RPL9: variants seen among roughly 807,000 people sequenced by gnomAD.
RPL9 encodes large ribosomal subunit protein uL6.
For missense variants in RPL9, 149 were observed against 236.7 expected, an observed-to-expected ratio of 0.63 and a Z score of 2.43; for synonymous variants, 82 against 77.1, an observed-to-expected ratio of 1.06 and a Z score of -0.33.
rs886606252 is a variant in RPL9, at chr4:39,455,009, C to T, written c.392-65G>A. On this transcript the variant is annotated intron_variant, in intron 5 of 7. Coordinates refer to ENST00000295955, the MANE Select transcript of RPL9 (RefSeq NM_000661.5). ...GTAAAAAATATTTAAATTGCAGAGGCACTAATTTATTCCATGTAAAACTCC... is the reference window on the plus strand; with the variant it reads ...GTAAAAAATATTTAAATTGCAGAGGTACTAATTTATTCCATGTAAAACTCC... The T allele has an allele frequency of 1.3e-5, 19 of 1,475,998 alleles. No individual in the cohort carries two copies. In the Admixed American group the frequency reaches 3.7e-4, roughly 29 times the overall value. 91.4% of individuals were successfully genotyped at this position (1,475,998 alleles called of 1,614,324 possible).
At chr4:39,458,492 A>G (rs1278667621) in intron 1 of RPL9, 52 bp from the exon 2 acceptor site, 1 of 1,588,672 alleles carries the variant, frequency 6.3e-7, no homozygotes, top group African/African-American at 1.3e-5. Context: ...TTTTTCCACC[A>G]AACTACGCCG....
chr4:39,456,017 G>T, intron 5 of RPL9: 1 of 259,642 alleles, frequency 3.9e-6, no homozygotes, highest in Non-Finnish European at 7.6e-6. Flanking sequence ...ATGGAGTGAT[G>T]GATGTGTTAA....
At chr4:39,455,596 A>C (rs532831351) in intron 5 of RPL9, among the ~76,000 whole-genome samples, 2 of 152,208 alleles carry the variant, frequency 1.3e-5, no homozygotes, top group African/African-American at 4.8e-5. Context: ...CAACGTGGCG[A>C]AACAGTCTCT....
Position 39,457,676 on chromosome 4 carries a change from C to T in RPL9, c.168G>A (p.Arg56=), listed in dbSNP as rs552285619. 1 of 1,614,012 alleles carries T rather than the reference C, an allele frequency of 6.2e-7. No homozygotes were observed. The highest frequency in any genetic ancestry group is 1.3e-5 in the African/African-American group (1 of 75,036). The part of the protein sequence containing the change: ...SLLGKKKKRL[R]VDKWWGNRKE... ...TTCTGTTACCCCACCATTTGTCAAC[C>T]CGGAGCTGTAACAGAACAAAAAATG... Residue 56 remains arginine (R), a synonymous_variant, in exon 4 of 8, where the codon CGG becomes CGA. Transcript: ENST00000295955.
rs781517871 is a variant in RPL9 at position 39,454,821 on chromosome 4, A to G, written c.472+43T>C. 5.7e-6 allele frequency: 9 copies of G among 1,579,824 alleles called. No homozygotes were observed. In the East Asian group the frequency reaches 2.0e-4, roughly 35 times the overall value. On this transcript the variant is annotated intron_variant, in intron 6 of 7. Transcript: ENST00000295955. ...ATACTGTATTTTAAACAAGATTTAG[A>G]CAAAATCTTGTAGGCATAGTTAGAC...
At position 39,454,924 on chromosome 4, in the gene RPL9, G is replaced by C; in HGVS notation, c.412C>G (p.Gln138Glu). 6.2e-7 allele frequency: 1 copy of C among 1,613,928 alleles called. No homozygotes were observed. Among genetic ancestry groups the C allele is most frequent in the Non-Finnish European group, 8.5e-7 (1 of 1,179,914 alleles). ...AGGATTAATTCATCTTTCTGGGCTT[G>C]AGATACTGAACAAGCAACACCTAAA... ...MRPGVACSVS[Q>E]AQKDELILEG... The change falls in exon 6 of 8, where the codon CAA becomes GAA. Residue 138 changes from glutamine to glutamate, a missense_variant. Gln to Glu is a conservative substitution (Grantham distance 29). Coordinates refer to ENST00000295955, the MANE Select transcript of RPL9 (RefSeq NM_000661.5).
At chr4:39,457,498 T>C (rs781573908) in intron 4 of RPL9, 88 bp downstream of exon 4, 167 of 1,118,364 alleles carry the variant, frequency 1.5e-4, no homozygotes, top group Non-Finnish European at 2.1e-4. Context: ...ACATGACCCA[T>C]TCTCTGAAAG....
At chr4:39,457,717 T>C in intron 3 of RPL9, 36 bp from the exon 4 acceptor site, 3 of 1,533,460 alleles carry the variant, frequency 2.0e-6, no homozygotes, top group South Asian at 1.1e-5. Context: ...TTTCCAGAAA[T>C]ATGCAGGCTT....
intron 7 of RPL9, 104 bp downstream of exon 7, chr4:39,454,429 C>CT (rs1744007219): frequency 1.2e-6 from 1 of 856,952 alleles, no homozygotes; most frequent in Non-Finnish European, 1.8e-6. Flanking sequence ...GAATGCTTAA[C>CT]TCTCCATTTT....
intron 1 of RPL9, 147 bp from the exon 2 acceptor site, chr4:39,458,587 G>C: frequency 2.6e-6 from 2 of 769,432 alleles, no homozygotes; most frequent in Non-Finnish European, 4.2e-6. Context: ...GCGGGCCCCA[G>C]TGTGTCCCAG....
chr4:39,457,267 G>A (rs1406292380), intron 4 of RPL9: 3 of 215,940 alleles, frequency 1.4e-5, no homozygotes, highest in African/African-American at 7.0e-5. Context: ...GGTGGCTCAT[G>A]CCTGCAATCC....
chr4:39,454,506 A>T lies in RPL9; in HGVS notation c.*10+27T>A, dbSNP rs759277422. The T allele has an allele frequency of 2.0e-6, 3 of 1,521,148 alleles. No individual in the cohort carries two copies. The Admixed American group carries it at 5.8e-5, about 30-fold the overall frequency. 94.2% of individuals were successfully genotyped at this position (1,521,148 alleles called of 1,614,324 possible). The stretch of plus-strand genomic sequence containing the variant: ...AGCTTCATTCAACTAGAGCAGTAAT[A>T]AAACTTAAGACACTGTAAGAACTTA... On this transcript the variant is annotated intron_variant, in intron 7 of 7. Coordinates refer to ENST00000295955, the MANE Select transcript of RPL9 (RefSeq NM_000661.5).
Position 39,456,496 on chromosome 4 carries a change from T to C in RPL9, c.301A>G (p.Ile101Val), listed in dbSNP as rs369212592. The C allele has an allele frequency of 1.2e-6, 2 of 1,613,976 alleles. No individual in the cohort carries two copies. The highest frequency in any genetic ancestry group is 1.3e-5 in the African/African-American group (1 of 74,938). Reference sequence around the variant, plus strand: ...CCATTCTCCTGGATAACAACGTTGATGGGGAAGTGAGCATACACAGACCTC... The same window carrying C: ...CCATTCTCCTGGATAACAACGTTGACGGGGAAGTGAGCATACACAGACCTC... The part of the protein sequence containing the change: ...KMRSVYAHFP[I>V]NVVIQENGSL... The change falls in exon 5 of 8, where the codon ATC (isoleucine) becomes GTC (valine). Residue 101 changes from isoleucine to valine, a missense_variant. By Grantham distance (29) the Ile-to-Val change is conservative. Coordinates refer to ENST00000295955, the MANE Select transcript of RPL9 (RefSeq NM_000661.5).
chr4:39,458,529 T>C (rs1744227486), intron 1 of RPL9, 89 bp from the exon 2 acceptor site: 6 of 1,402,336 alleles, frequency 4.3e-6, no homozygotes, highest in Non-Finnish European at 5.0e-6. Context: ...TACTGGAGAC[T>C]GCCAGGCGGA....
chr4:39,457,393 G>T, intron 4 of RPL9, 193 bp downstream of exon 4: 3 of 489,294 alleles, frequency 6.1e-6, no homozygotes, highest in Non-Finnish European at 1.1e-5. Flanking sequence ...AAACAAACAT[G>T]TTGTACCCAT....
At position 39,458,406 on chromosome 4, in the gene RPL9, T is replaced by G. The variant is rs765381464; in HGVS notation, c.34A>C (p.Ile12Leu). Residue 12 changes from isoleucine to leucine, a missense_variant, in exon 2 of 8, where the codon ATT (isoleucine) becomes CTT (leucine). Coordinates refer to ENST00000295955, the MANE Select transcript of RPL9 (RefSeq NM_000661.5). ...TCAAGTCTCATACCATTTTCTGGAA[T>G]GTCGACAGTCTGATTGCTGAGAATA... ...KTILSNQTVD[I>L]PENVDITLKG... The G allele has an allele frequency of 6.2e-7, 1 of 1,614,230 alleles. No individual in the cohort carries two copies. Among genetic ancestry groups the G allele is most frequent in the Non-Finnish European group, 8.5e-7 (1 of 1,180,042 alleles).
rs1451574840 is a variant in RPL9, at chr4:39,458,880, A to G, written c.-2+11T>C. On this transcript the variant is annotated intron_variant, in intron 1 of 7. Coordinates refer to ENST00000295955, the MANE Select transcript of RPL9 (RefSeq NM_000661.5). ...TTCCCAGTACCCCCACGAGCACAGA[A>G]ACATCCTTACCTCGCAGTAGACGCA... 4.3e-6 allele frequency: 3 copies of G among 701,094 alleles called. No individual in the cohort carries two copies. Among genetic ancestry groups the G allele is most frequent in the South Asian group, 3.0e-5 (2 of 66,862 alleles). 43.4% of individuals were successfully genotyped at this position (701,094 alleles called of 1,614,324 possible). A position where few individuals can be genotyped will look rare whatever the true frequency, so the allele number is the denominator to read the frequency against.
intron 4 of RPL9, chr4:39,457,264 C>G (rs116300983): frequency 0.011 from 2,455 of 215,606 alleles, 58 homozygotes; most frequent in African/African-American, 0.054. Context: ...CATGGTGGCT[C>G]ATGCCTGCAA....
In RPL9 at chr4:39,458,450, A is replaced by G. The variant is rs777065261; in HGVS notation, c.-1-10T>C. On this transcript the variant is annotated splice_polypyrimidine_tract_variant and intron_variant, in intron 1 of 7. Coordinates refer to ENST00000295955, the MANE Select transcript of RPL9 (RefSeq NM_000661.5). ...GAGAATAGTCTTCATTCTGAAACAC[A>G]AACACTGGGGGTGAGGCCGACGCAA... 2.5e-6 allele frequency: 4 copies of G among 1,614,052 alleles called. No individual in the cohort carries two copies. The highest frequency in any genetic ancestry group is 3.4e-6 in the Non-Finnish European group (4 of 1,179,882).
Sources: gnomAD v4.1 joint callset for allele counts (sites outside exome capture counted in the v4.1 genomes callset) on GRCh38, gnomAD v4.1.1 for gene constraint, MANE v1.5 for transcripts, NCBI Gene and HGNC (gene_info 2026-07-23, HGNC 2026-07-21) for gene names.